The following RGSL1 variants were observed in gnomAD, a reference collection of about 807,000 sequenced individuals.
RGSL1 encodes regulator of G protein signaling protein-like.
RGSL1 carries 97 observed loss-of-function variants against 124.7 expected under a neutral mutation model. That is an observed-to-expected ratio of 0.78 (90% CI 0.66 to 0.92). The LOEUF is 0.92. Among genes scored for constraint, RGSL1 ranks in the 40% least tolerant of loss-of-function variants. The pLI, the probability that RGSL1 is intolerant of heterozygous loss-of-function variation, is 0.00. For missense variants in RGSL1, 1,233 were observed against 1,288.4 expected, an observed-to-expected ratio of 0.96 and a Z score of 0.66; for synonymous variants, 424 against 438.1, an observed-to-expected ratio of 0.97 and a Z score of 0.40.
chr1:182,488,913 A>T (rs1236267452), intron 7 of RGSL1, 67 bp from the exon 8 acceptor site: 2 of 1,309,874 alleles, frequency 1.5e-6, no homozygotes, highest in African/African-American at 1.5e-5. Context: ...CTGAGTTATT[A>T]CAAAATTATT....
intron 9 of RGSL1, among the ~76,000 whole-genome samples, chr1:182,514,203 T>C (rs1456922221): frequency 6.6e-6 from 1 of 152,158 alleles, no homozygotes; most frequent in Admixed American, 6.5e-5. Context: ...TGCAGTGAGA[T>C]TTTCATTAAA....
At chr1:182,448,619 G>T (rs1355946909), upstream of RGSL1, among the ~76,000 whole-genome samples, 7 of 152,078 alleles carry the variant, frequency 4.6e-5, no homozygotes, top group Admixed American at 4.6e-4. Flanking sequence ...AATCAGAATT[G>T]CCAGGGGACG....
At chr1:182,522,295 A>G (rs1414656631) in intron 10 of RGSL1, among the ~76,000 whole-genome samples, 186 bp downstream of exon 10, 1 of 152,242 alleles carries the variant, frequency 6.6e-6, no homozygotes, top group Non-Finnish European at 1.5e-5. Context: ...GCACTATGCT[A>G]TATATGTATA....
At chr1:182,533,674 G>C (rs1229287643) in intron 14 of RGSL1, among the ~76,000 whole-genome samples, 3 of 152,140 alleles carry the variant, frequency 2.0e-5, no homozygotes, top group Non-Finnish European at 4.4e-5. Flanking sequence ...CTATAGAATG[G>C]GAATGAGAAT....
chr1:182,467,052 C>A (rs749937579), intron 4 of RGSL1, among the ~76,000 whole-genome samples: 1 of 152,158 alleles, frequency 6.6e-6, no homozygotes. Flanking sequence ...AGGAATCCAA[C>A]TTACAATGGA....
intron 6 of RGSL1, among the ~76,000 whole-genome samples, chr1:182,480,888 G>C (rs970365260): frequency 6.6e-6 from 1 of 151,852 alleles, no homozygotes; most frequent in Non-Finnish European, 1.5e-5. Context: ...AATCAAAAAG[G>C]GCATTTGAAA....
In RGSL1 at chr1:182,474,420, C is replaced by T. The variant is rs1558264589; in HGVS notation, c.1309C>T (p.Leu437=). The T allele has an allele frequency of 3.9e-6, 6 of 1,551,910 alleles. No individual in the cohort carries two copies. The highest frequency in any genetic ancestry group is 1.7e-4 in the Middle Eastern group (1 of 6,016). The part of the protein sequence containing the change: ...LLGDRICELY[L]NEQIGPCLPL... ...GGGTGACAGAATCTGCGAGCTCTACCTGAATGAGCAGATTGGTCCGTGCTT... is the reference window on the plus strand; with the variant it reads ...GGGTGACAGAATCTGCGAGCTCTACTTGAATGAGCAGATTGGTCCGTGCTT... The change falls in exon 6 of 22, where the codon CTG becomes TTG. Residue 437 remains leucine (L), a synonymous_variant. Coordinates refer to ENST00000294854, the MANE Select transcript of RGSL1 (RefSeq NM_001137669.2).
At chr1:182,451,129 G>A (rs2101970568) in intron 1 of RGSL1, among the ~76,000 whole-genome samples, 1 of 137,612 alleles carries the variant, frequency 7.3e-6, no homozygotes, top group South Asian at 2.5e-4. Context: ...CTGGGTGACG[G>A]AGTGAGACTT....
intron 20 of RGSL1, chr1:182,555,619 G>C (rs1377099041): frequency 5.2e-6 from 1 of 190,606 alleles, no homozygotes; most frequent in Non-Finnish European, 1.1e-5. Context: ...CATAGCTGAG[G>C]AGTGCCAAAG....
intron 9 of RGSL1, among the ~76,000 whole-genome samples, chr1:182,496,608 T>C (rs757233810): frequency 6.6e-6 from 1 of 152,120 alleles, no homozygotes; most frequent in Non-Finnish European, 1.5e-5. Flanking sequence ...CCTAAAACCA[T>C]GAGATCTGTT....
intron 1 of RGSL1, among the ~76,000 whole-genome samples, chr1:182,451,287 A>T (rs1287869214): frequency 2.4e-5 from 3 of 126,980 alleles, no homozygotes; most frequent in Non-Finnish European, 5.6e-5. Flanking sequence ...TCACACGCTC[A>T]GTCTGATGAG....
At chr1:182,455,925 C>T (rs1652281354) in intron 2 of RGSL1, among the ~76,000 whole-genome samples, 1 of 152,166 alleles carries the variant, frequency 6.6e-6, no homozygotes, top group South Asian at 2.1e-4. Flanking sequence ...GAAAACTACT[C>T]TGCAGAGGTC....
At chr1:182,553,224 G>C (rs1033822078) in intron 18 of RGSL1, among the ~76,000 whole-genome samples, 1 of 152,096 alleles carries the variant, frequency 6.6e-6, no homozygotes, top group African/African-American at 2.4e-5. Flanking sequence ...CCTTTTAAAG[G>C]TCTTGCCTCT....
intron 9 of RGSL1, among the ~76,000 whole-genome samples, chr1:182,504,525 A>C (rs1174547408): frequency 3.3e-5 from 4 of 120,746 alleles, no homozygotes; most frequent in Non-Finnish European, 4.9e-5. Flanking sequence ...TTTTTGTAGA[A>C]GACTGGACTT....
intron 9 of RGSL1, 41 bp downstream of exon 9, chr1:182,493,170 T>G: frequency 7.6e-7 from 1 of 1,311,266 alleles, no homozygotes; most frequent in Non-Finnish European, 1.1e-6. Flanking sequence ...CAACTAGGTT[T>G]TTTCAAATCT....
intron 21 of RGSL1, among the ~76,000 whole-genome samples, chr1:182,556,872 C>G (rs1452769823): frequency 1.3e-5 from 2 of 152,108 alleles, no homozygotes; most frequent in Non-Finnish European, 2.9e-5. Flanking sequence ...TGAACAAGCC[C>G]TCCACCTGAG....
chr1:182,459,337 A>G (rs1245911427), intron 3 of RGSL1, among the ~76,000 whole-genome samples: 1 of 151,932 alleles, frequency 6.6e-6, no homozygotes, highest in African/African-American at 2.4e-5. Flanking sequence ...TGGCTTCCAC[A>G]TCCCCTACAA....
At chr1:182,473,538 A>G (rs1278780354) in intron 5 of RGSL1, 37 bp from the exon 6 acceptor site, 1 of 1,483,388 alleles carries the variant, frequency 6.7e-7, no homozygotes, top group African/African-American at 1.4e-5. Flanking sequence ...CCATCATCCC[A>G]TCATTTTCAC....
intron 18 of RGSL1, 48 bp downstream of exon 18, chr1:182,551,257 T>G (rs1027802460): frequency 3.4e-6 from 5 of 1,474,570 alleles, no homozygotes; most frequent in South Asian, 1.2e-5. Context: ...AACCAAGACT[T>G]GTGAAGAGAA....
Sources: gnomAD v4.1 joint callset for allele counts (sites outside exome capture counted in the v4.1 genomes callset) on GRCh38, gnomAD v4.1.1 for gene constraint, MANE v1.5 for transcripts, NCBI Gene and HGNC (gene_info 2026-07-23, HGNC 2026-07-21) for gene names.